The following ADAMTS13 variants were observed in gnomAD, a reference collection of about 807,000 sequenced individuals.
ADAMTS13 encodes the protein A disintegrin and metalloproteinase with thrombospondin motifs 13.
ADAMTS13 carries 110 observed loss-of-function variants against 155.1 expected under a neutral mutation model. The observed-to-expected ratio is 0.71, with a 90% CI of 0.61 to 0.83. The LOEUF (loss-of-function observed/expected upper bound fraction) is 0.83. Among genes scored for constraint, ADAMTS13 ranks in the 40% least tolerant of loss-of-function variants. The probability of loss-of-function intolerance (pLI) is 0.00; values close to 1 mark genes in which losing one functional copy is unlikely to be tolerated. For missense variants in ADAMTS13, 1,707 were observed against 1,891.7 expected (o/e 0.90, Z 1.81); for synonymous variants, 758 against 756.4 (o/e 1.00, Z -0.03).
chr9:133,424,409 C>T lies in ADAMTS13; in HGVS notation c.261C>T (p.Ala87=), dbSNP rs782777667. Residue 87 remains alanine (A), a synonymous_variant, in exon 3 of 29, where the codon GCC becomes GCT. Coordinates refer to ENST00000355699, the MANE Select transcript of ADAMTS13 (RefSeq NM_139027.6). This position sits in a 1 kb window ranked among gnomAD's most constrained non-coding sequence, Gnocchi z 4.3. Reference sequence around the variant, plus strand: ...TCCTACACCTGGAGCTGCTGGTGGCCGTGGGCCCCGATGTCTTCCAGGCTC... The same window carrying T: ...TCCTACACCTGGAGCTGCTGGTGGCTGTGGGCCCCGATGTCTTCCAGGCTC... The part of the protein sequence containing the change: ...GGILHLELLV[A]VGPDVFQAHQ... 29 of 1,613,632 alleles carry T rather than the reference C, an allele frequency of 1.8e-5. No homozygotes were observed. In the Middle Eastern group the frequency reaches 5.0e-4, roughly 28 times the overall value.
At chr9:133,419,516 A>T (rs935854665), upstream of ADAMTS13, among the ~76,000 whole-genome samples, 3 of 152,186 alleles carry the variant, frequency 2.0e-5, no homozygotes, top group Non-Finnish European at 2.9e-5. Context: ...GGTTAAGACC[A>T]GATAGCAGGT....
At chr9:133,437,131 C>T (rs904070512) in intron 12 of ADAMTS13, among the ~76,000 whole-genome samples, 176 bp downstream of exon 12, 3 of 152,184 alleles carry the variant, frequency 2.0e-5, no homozygotes, top group Non-Finnish European at 4.4e-5. Flanking sequence ...GTAGATCAGG[C>T]ACTGACATCC....
In ADAMTS13 at chr9:133,424,642, G is replaced by A. The variant is rs981249782; in HGVS notation, c.330+164G>A. ...CCCTCCCCTGGGTGGAGGTGGGTGA[G>A]GTCCCACACCCTCTCTAGGCTCCAT... On this transcript the variant is annotated intron_variant, in intron 3 of 28. Coordinates refer to ENST00000355699, the MANE Select transcript of ADAMTS13 (RefSeq NM_139027.6). This position sits in a 1 kb window ranked among gnomAD's most constrained non-coding sequence, Gnocchi z 4.3. Among the ~76,000 whole-genome samples the A allele has an allele frequency of 3.3e-5, 5 of 152,060 alleles. No individual in the cohort carries two copies. The highest frequency in any genetic ancestry group is 1.2e-4 in the African/African-American group (5 of 41,394).
chr9:133,426,387 C>G, intron 6 of ADAMTS13, 42 bp downstream of exon 6: 1 of 1,598,084 alleles, frequency 6.3e-7, no homozygotes, highest in Non-Finnish European at 8.5e-7. Flanking sequence ...TGGCAAGGAG[C>G]TGACCTGGGT....
In ADAMTS13 at chr9:133,416,579, G is replaced by A. The variant is rs1588142222; in HGVS notation, n.287+1935G>A. ...ATCCTAACAGGAGGTAGCTCCAAGG[G>A]AGCTCCAAGGGATGTGGTAAGAATG... On this transcript the variant is annotated intron_variant and non_coding_transcript_variant, in intron 1 of 17. Coordinates refer to the ADAMTS13 transcript ENST00000485925. 3.3e-5 allele frequency among the ~76,000 whole-genome samples: 5 copies of A among 152,198 alleles called. No individual in the cohort carries two copies. The South Asian group carries it at 8.3e-4, about 25-fold the overall frequency.
At chr9:133,429,016 T>C (rs1840502248) in intron 7 of ADAMTS13, among the ~76,000 whole-genome samples, 1 of 135,548 alleles carries the variant, frequency 7.4e-6, no homozygotes, top group African/African-American at 2.8e-5. Context: ...CGTCCCCACC[T>C]CTCCCTACGT....
Position 133,456,779 on chromosome 9 carries a change from G to A in ADAMTS13, c.3724+60G>A. The A allele has an allele frequency of 6.5e-7, 1 of 1,540,108 alleles. No individual in the cohort carries two copies. The highest frequency in any genetic ancestry group is 1.2e-5 in the South Asian group (1 of 83,714). On this transcript the variant is annotated intron_variant, in intron 27 of 28. Coordinates refer to ENST00000355699, the MANE Select transcript of ADAMTS13 (RefSeq NM_139027.6). The surrounding 1 kb of genome is among the most constrained non-coding windows in gnomAD (Gnocchi z 4.4). Reference sequence around the variant, plus strand: ...TCCAGTCCTGGCAGGGAGGCTGGGTGGGTGCTGCTGGGGATGGGGCCAGTC... The same window carrying A: ...TCCAGTCCTGGCAGGGAGGCTGGGTAGGTGCTGCTGGGGATGGGGCCAGTC...
At chr9:133,439,302 T>C in intron 14 of ADAMTS13, 64 bp from the exon 15 acceptor site, 5 of 1,275,098 alleles carry the variant, frequency 3.9e-6, no homozygotes, top group Non-Finnish European at 5.7e-6. Context: ...TAAGATCAGC[T>C]CCCTTTGTCT....
At position 133,423,091 on chromosome 9, in the gene ADAMTS13, T is replaced by G; in HGVS notation, c.106-10T>G. ...ATGCCCGGCCCCATCCATCTCTTTT[T>G]GTCTTGCAGAGTTGTCTTCAGGCTT... On this transcript the variant is annotated splice_polypyrimidine_tract_variant and intron_variant, in intron 1 of 28. Transcript: ENST00000355699. 7 of 1,613,798 alleles carry G rather than the reference T, an allele frequency of 4.3e-6. No homozygotes were observed. The highest frequency in any genetic ancestry group is 5.9e-6 in the Non-Finnish European group (7 of 1,179,874).
At chr9:133,422,830 GTCTCT>G (rs1554783878) in intron 1 of ADAMTS13, among the ~76,000 whole-genome samples, 1 of 150,744 alleles carries the variant, frequency 6.6e-6, no homozygotes, top group African/African-American at 2.4e-5. Flanking sequence ...TCCTCTCCCT[GTCTCT>G]GATTTCCCCC....
Position 133,434,118 on chromosome 9 carries a change from AAGAG to A in ADAMTS13, c.1308+420_1308+423del, listed in dbSNP as rs1191400473. On this transcript the variant is annotated intron_variant, in intron 11 of 28. Transcript: ENST00000355699. ...CTCAAAAAAAAAATAAAAATTAAAA[AAGAG>A]AGAGAAGGACATTGGGACCCCAGTT... Among the ~76,000 whole-genome samples, 13 of 151,916 alleles carry A rather than the reference AAGAG, an allele frequency of 8.6e-5. No individual in the cohort carries two copies. The East Asian group carries it at 2.1e-3, about 25-fold the overall frequency.
chr9:133,414,500 GCA>G, exon 1 of ADAMTS13: 1 of 737,310 alleles, frequency 1.4e-6, no homozygotes, highest in Admixed American at 2.0e-5. Context: ...CTTATCATGC[GCA>G]CACTCTAGGG....
intron 8 of ADAMTS13, 108 bp downstream of exon 8, chr9:133,430,209 GCTGAGGTA>G: frequency 6.9e-7 from 1 of 1,441,892 alleles, no homozygotes; most frequent in East Asian, 2.5e-5. Context: ...GCCGTGCTAG[GCTGAGGTA>G]CTAAGCCAGG....
chr9:133,433,043 T>C (rs587692263), intron 9 of ADAMTS13, among the ~76,000 whole-genome samples: 34 of 144,390 alleles, frequency 2.4e-4, no homozygotes, highest in Middle Eastern at 3.6e-3. Context: ...GGGGTCCTTA[T>C]GTGTGTGTTG....
upstream of ADAMTS13, among the ~76,000 whole-genome samples, chr9:133,420,575 C>A (rs187026342): frequency 2.3e-4 from 35 of 152,282 alleles, no homozygotes; most frequent in Non-Finnish European, 1.5e-4. Context: ...TTGCTGAGTT[C>A]AGATTGGTCG....
rs28729234 is a variant in ADAMTS13, at chr9:133,430,112, C to G, written c.987+11C>G. On this transcript the variant is annotated intron_variant, in intron 8 of 28. Coordinates refer to ENST00000355699, the MANE Select transcript of ADAMTS13 (RefSeq NM_139027.6). The stretch of plus-strand genomic sequence containing the variant: ...GCCAGGGAGCACCTGGTGAGTCTGC[C>G]GGCGGTGGCCTGGGATTGGCTGTGA... The G allele has an allele frequency of 6.4e-7, 1 of 1,571,518 alleles. No homozygotes were observed. The highest frequency in any genetic ancestry group is 8.6e-7 in the Non-Finnish European group (1 of 1,163,850).
In ADAMTS13 at chr9:133,458,107, ATGGGGACTTGTGCTGTGATTC is replaced by A; in HGVS notation, c.3909+17_3909+37del. 1.2e-6 allele frequency: 2 copies of A among 1,612,430 alleles called. No homozygotes were observed. Among genetic ancestry groups the A allele is most frequent in the Non-Finnish European group, 1.7e-6 (2 of 1,179,684 alleles). On this transcript the variant is annotated intron_variant, in intron 28 of 28. Coordinates refer to ENST00000355699, the MANE Select transcript of ADAMTS13 (RefSeq NM_139027.6). ...CAGCTACATCTTGGTGAGGCCCAGC[ATGGGGACTTGTGCTGTGATTC>A]TGGACAGCTTTCCCTAGGGCGTGCA...
At chr9:133,457,840 CTG>C in intron 27 of ADAMTS13, 68 bp from the exon 28 acceptor site, 1 of 1,594,576 alleles carries the variant, frequency 6.3e-7, no homozygotes, top group Non-Finnish European at 8.6e-7. Context: ...GGCTCCCTGG[CTG>C]TGAGTTGTCC....
chr9:133,424,362 C>T lies in ADAMTS13; in HGVS notation c.214C>T (p.Gln72Ter), dbSNP rs1554784580. The T allele has an allele frequency of 6.2e-7, 1 of 1,613,270 alleles. No individual in the cohort carries two copies. The highest frequency in any genetic ancestry group is 8.5e-7 in the Non-Finnish European group (1 of 1,179,948). The change falls in exon 3 of 29, where the codon CAG becomes TAG. Residue 72 changes from glutamine to a stop codon, truncating the protein, a stop_gained. Coordinates refer to ENST00000355699, the MANE Select transcript of ADAMTS13 (RefSeq NM_139027.6). LOFTEE classifies it high-confidence loss of function. This position sits in a 1 kb window ranked among gnomAD's most constrained non-coding sequence, Gnocchi z 4.3. ...TGGCTTCCAGAGGCAGAGGCAGAGG[C>T]AGAGGCGGGCTGCAGGCGGCATCCT... is the stretch of plus-strand genomic sequence containing the variant. ...SPGFQRQRQRQRRAAGGILHL... is the reference protein window; with the variant it reads ...SPGFQRQRQR
Sources: gnomAD v4.1 joint callset for allele counts (sites outside exome capture counted in the v4.1 genomes callset) on GRCh38, gnomAD v4.1.1 for gene constraint, Gnocchi (gnomAD v3.1) non-coding constraint, MANE v1.5 for transcripts, NCBI Gene and HGNC (gene_info 2026-07-23, HGNC 2026-07-21) for gene names.